Variants in ADGRD1 observed in about 807,000 individuals in gnomAD.
ADGRD1 encodes the protein adhesion G protein-coupled receptor D1.
ADGRD1 carries 77 observed loss-of-function variants against 113.4 expected under a neutral mutation model. The ratio of observed to expected loss-of-function variants is 0.68; its 90% CI spans 0.57 to 0.82. The LOEUF is 0.82. ADGRD1 is among the 40% of genes least tolerant of loss of function. The pLI is 0.00. For missense variants in ADGRD1, 1,036 were observed against 1,139.1 expected (o/e 0.91, Z 1.30); for synonymous variants, 474 against 475.0 (o/e 1.00, Z 0.03).
intron 2 of ADGRD1, among the ~76,000 whole-genome samples, chr12:130,955,563 G>C (rs1328609434): frequency 6.6e-6 from 1 of 152,192 alleles, no homozygotes; most frequent in Non-Finnish European, 1.5e-5. Flanking sequence ...GGAAGACGAG[G>C]CTTTCTGGGA....
intron 12 of ADGRD1, among the ~76,000 whole-genome samples, chr12:131,013,936 G>A (rs11061280): frequency 0.076 from 11,535 of 152,220 alleles, 1,188 homozygotes; most frequent in African/African-American, 0.24. Context: ...TGGTCCTGGC[G>A]TCACACCTTA....
Position 131,136,156 on chromosome 12 carries a change from C to T in ADGRD1, c.2387C>T (p.Ser796Phe), listed in dbSNP as rs1951077899. The T allele has an allele frequency of 6.2e-7, 1 of 1,614,070 alleles. No homozygotes were observed. Among genetic ancestry groups the T allele is most frequent in the Non-Finnish European group, 8.5e-7 (1 of 1,179,994 alleles). ...VFQYMFATLN[S>F]LQGLFIFLFH... ...CAGTACATGTTTGCCACGCTCAACT[C>T]CCTGCAGGTGAGAGCCGCGGGGACT... Residue 796 changes from serine (S) to phenylalanine (F), a missense_variant, in exon 22 of 25, where the codon TCC (serine) becomes TTC (phenylalanine). Ser to Phe is a radical substitution (Grantham distance 155). Transcript: ENST00000261654.
At chr12:131,010,644 G>T (rs1280608526) in intron 12 of ADGRD1, among the ~76,000 whole-genome samples, 2 of 152,198 alleles carry the variant, frequency 1.3e-5, no homozygotes, top group African/African-American at 4.8e-5. Flanking sequence ...CAGATGTGCT[G>T]CGTGGGGTGA....
At chr12:131,102,346 G>C (rs1253942400) in intron 15 of ADGRD1, among the ~76,000 whole-genome samples, 1 of 152,218 alleles carries the variant, frequency 6.6e-6, no homozygotes, top group African/African-American at 2.4e-5. Context: ...GGAATGCACT[G>C]GCAGCACCCG....
intron 8 of ADGRD1, among the ~76,000 whole-genome samples, chr12:130,996,092 G>T (rs1053095233): frequency 2.4e-4 from 37 of 152,172 alleles, no homozygotes; most frequent in Admixed American, 2.3e-3. Flanking sequence ...ACAGGTTTGG[G>T]GGTAAGGTCA....
chr12:131,092,570 C>T (rs1886984104), intron 15 of ADGRD1, among the ~76,000 whole-genome samples: 1 of 152,036 alleles, frequency 6.6e-6, no homozygotes. Context: ...TCCTCCCAGG[C>T]GGCCACTTCC....
intron 8 of ADGRD1, among the ~76,000 whole-genome samples, chr12:130,998,632 T>A (rs555378776): frequency 1.8e-4 from 28 of 152,170 alleles, no homozygotes; most frequent in African/African-American, 6.5e-4. Context: ...ACCTGACTAA[T>A]TTTTGTATTT....
At chr12:131,115,529 C>G (rs1380408459) in intron 18 of ADGRD1, among the ~76,000 whole-genome samples, 1 of 149,742 alleles carries the variant, frequency 6.7e-6, no homozygotes, top group Non-Finnish European at 1.5e-5. Flanking sequence ...CCCAGGCCTT[C>G]GCTTCACCCA....
chr12:131,054,286 T>C (rs1314707836), intron 13 of ADGRD1, among the ~76,000 whole-genome samples: 1 of 152,184 alleles, frequency 6.6e-6, no homozygotes, highest in Non-Finnish European at 1.5e-5. Flanking sequence ...CCCTGTTCCT[T>C]CCCACCTCCC....
chr12:131,105,811 C>T lies in ADGRD1; in HGVS notation c.1833C>T (p.Ala611=), dbSNP rs569143205. 2.0e-5 allele frequency: 32 copies of T among 1,601,096 alleles called. No individual in the cohort carries two copies. Among genetic ancestry groups the T allele is most frequent in the East Asian group, 4.5e-5 (2 of 44,884 alleles). The change falls in exon 17 of 25, where the codon GCC becomes GCT. Residue 611 remains alanine, a synonymous_variant. Transcript: ENST00000261654. ...RYHIHANLSF[A]VLVAQVLLLI... Reference sequence around the variant, plus strand: ...ACATCCACGCCAACCTGTCCTTCGCCGTGCTGGTGGCCCAGGTCCTGCTGC... The same window carrying T: ...ACATCCACGCCAACCTGTCCTTCGCTGTGCTGGTGGCCCAGGTCCTGCTGC...
At chr12:131,017,288 G>GTACACAGTCCACACACACCCAGTC (rs1878682652) in intron 13 of ADGRD1, among the ~76,000 whole-genome samples, 1 of 78,904 alleles carries the variant, frequency 1.3e-5, no homozygotes, top group South Asian at 4.4e-4. Flanking sequence ...CACACCCAGT[G>GTACACAGTCCACACACACCCAGTC]CACACAGTCC....
At chr12:131,127,636 G>A (rs1039474232) in intron 20 of ADGRD1, among the ~76,000 whole-genome samples, 18 of 143,880 alleles carry the variant, frequency 1.3e-4, no homozygotes, top group Non-Finnish European at 2.4e-4. Flanking sequence ...AGCTCAGGTG[G>A]GGTGTTGGTT....
intron 12 of ADGRD1, among the ~76,000 whole-genome samples, chr12:131,008,209 G>A (rs532968237): frequency 1.6e-4 from 25 of 152,356 alleles, no homozygotes; most frequent in Admixed American, 1.4e-3. Context: ...AGCTGATTGG[G>A]CATTTGTGCC....
intron 24 of ADGRD1, among the ~76,000 whole-genome samples, chr12:131,138,595 G>A (rs938005024): frequency 1.3e-5 from 2 of 152,128 alleles, no homozygotes; most frequent in African/African-American, 4.8e-5. Context: ...TCACTGTGCC[G>A]CTGCTTCCCC....
Position 131,118,542 on chromosome 12 carries a change from C to G in ADGRD1, c.2108+91C>G, listed in dbSNP as rs184083960. 9.1e-4 allele frequency: 837 copies of G among 924,784 alleles called. 3 individuals are homozygous for G. Among genetic ancestry groups the G allele is most frequent in the Non-Finnish European group, 4.3e-4 (251 of 587,596 alleles). 57.3% of individuals were successfully genotyped at this position (924,784 alleles called of 1,614,324 possible). On this transcript the variant is annotated intron_variant, in intron 19 of 24. Coordinates refer to ENST00000261654, the MANE Select transcript of ADGRD1 (RefSeq NM_198827.5). ...GTGGCTCTTGCCTTCCTGTGCTCTT[C>G]TGGGTGCAGGGGTGCTGTGCAAAGC...
chr12:131,124,970 G>A (rs924217919), intron 20 of ADGRD1, among the ~76,000 whole-genome samples: 3 of 152,092 alleles, frequency 2.0e-5, no homozygotes, highest in East Asian at 1.9e-4. Flanking sequence ...GTCCAAGATC[G>A]AGGTGTCGTC....
intron 2 of ADGRD1, among the ~76,000 whole-genome samples, chr12:130,956,191 T>A (rs1267354492): frequency 6.6e-6 from 1 of 152,190 alleles, no homozygotes; most frequent in Non-Finnish European, 1.5e-5. Flanking sequence ...CTTTCCTGGA[T>A]GGAGCACCAG....
chr12:130,990,262 T>A (rs890152080), intron 6 of ADGRD1: 4 of 152,244 alleles, frequency 2.6e-5, no homozygotes, highest in Admixed American at 6.5e-5. Flanking sequence ...AAGGGCTCAG[T>A]CACTCCTGCA....
intron 2 of ADGRD1, chr12:130,962,076 G>C (rs1440661917): frequency 1.3e-5 from 2 of 152,256 alleles, no homozygotes; most frequent in African/African-American, 4.8e-5. Context: ...TACCTTGGAT[G>C]CCATCCCTGG....
Sources: allele counts gnomAD v4.1 joint callset (sites outside exome capture counted in the v4.1 genomes callset), GRCh38; gene constraint gnomAD v4.1.1; transcripts MANE v1.5; gene names NCBI Gene and HGNC (gene_info 2026-07-23, HGNC 2026-07-21).